The following PRKN variants were observed in gnomAD, a reference collection of about 807,000 sequenced individuals.
PRKN encodes the protein parkin RBR E3 ubiquitin protein ligase.
Under a neutral mutation model 59.5 loss-of-function variants are expected in PRKN, and 56 were observed. That is an observed-to-expected ratio of 0.94 (90% confidence interval 0.76 to 1.18). The LOEUF (loss-of-function observed/expected upper bound fraction) is 1.18. PRKN is among the 50% of genes most tolerant of loss of function. The pLI is 0.00. For missense variants in PRKN, 657 were observed against 596.4 expected (o/e 1.10, Z -1.06); for synonymous variants, 250 against 222.1 (o/e 1.13, Z -1.12).
chr6:161,967,078 C>T lies in PRKN; in HGVS notation c.734+6224G>A, dbSNP rs187294143. Among the ~76,000 whole-genome samples the T allele has an allele frequency of 4.8e-3, 733 of 152,344 alleles. 10 individuals carry two copies. Among genetic ancestry groups the T allele is most frequent in the African/African-American group, 0.017 (716 of 41,576 alleles). On this transcript the variant is annotated intron_variant, in intron 6 of 11. Coordinates refer to ENST00000366898, the MANE Select transcript of PRKN (RefSeq NM_004562.3). ...AACTCCTGACCTCGTGATCTGCCCACCTCAGCCTCCCAAGGTGCTGGGATT... is the reference window on the plus strand; with the variant it reads ...AACTCCTGACCTCGTGATCTGCCCATCTCAGCCTCCCAAGGTGCTGGGATT...
intron 3 of PRKN, among the ~76,000 whole-genome samples, chr6:162,219,433 C>T (rs1359787610): frequency 6.6e-6 from 1 of 152,162 alleles, no homozygotes; most frequent in Non-Finnish European, 1.5e-5. Flanking sequence ...CTATATTAAA[C>T]TGCATATTAC....
rs1420101862 is a variant in PRKN, at chr6:161,352,664, G to C, written c.1286-2453C>G. On this transcript the variant is annotated intron_variant, in intron 11 of 11. Coordinates refer to ENST00000366898, the MANE Select transcript of PRKN (RefSeq NM_004562.3). This position sits in a 1 kb window ranked among gnomAD's most constrained non-coding sequence, Gnocchi z 5.8. ...AAAGCAATTCTAAATGAAAGGGTAA[G>C]AAACTTTCCTATTGTGATATTTAAT... 6.7e-6 allele frequency among the ~76,000 whole-genome samples: 1 copy of C among 149,986 alleles called. No individual in the cohort carries two copies. Among genetic ancestry groups the C allele is most frequent in the East Asian group, 1.9e-4 (1 of 5,146 alleles).
In PRKN at chr6:162,579,724, A is replaced by T. The variant is rs141247383; in HGVS notation, c.8-136251T>A. Among the ~76,000 whole-genome samples, 419 of 150,908 alleles carry T rather than the reference A, an allele frequency of 2.8e-3. 2 individuals are homozygous for T. Among genetic ancestry groups the T allele is most frequent in the Non-Finnish European group, 4.6e-3 (311 of 67,100 alleles). On this transcript the variant is annotated intron_variant, in intron 1 of 11. Coordinates refer to ENST00000366898, the MANE Select transcript of PRKN (RefSeq NM_004562.3). ...ACACAAATTTCACACACACAAAATC[A>T]CACAGATTGAAACACACACATTCAC...
chr6:162,072,139 C>T (rs920539331), intron 4 of PRKN, among the ~76,000 whole-genome samples: 1 of 152,002 alleles, frequency 6.6e-6, no homozygotes, highest in African/African-American at 2.4e-5. Context: ...AGTGATTACA[C>T]AGGCTGGGCG....
At chr6:162,558,893 C>T (rs1429179211) in intron 1 of PRKN, among the ~76,000 whole-genome samples, 1 of 152,120 alleles carries the variant, frequency 6.6e-6, no homozygotes, top group East Asian at 1.9e-4. Context: ...CTGCCCACCT[C>T]AGCCTCCCGA....
chr6:161,490,222 C>T (rs1399122745), intron 9 of PRKN, among the ~76,000 whole-genome samples: 2 of 152,124 alleles, frequency 1.3e-5, no homozygotes, highest in Non-Finnish European at 2.9e-5. Context: ...GTGTGGAGAG[C>T]CATCTTTGGC....
chr6:161,420,799 T>A (rs1182961702), intron 9 of PRKN, among the ~76,000 whole-genome samples: 1 of 152,170 alleles, frequency 6.6e-6, no homozygotes, highest in Non-Finnish European at 1.5e-5. Context: ...AAAATTAAGA[T>A]CCTGATTTTA....
chr6:162,723,909 A>G (rs1295226115), intron 1 of PRKN, among the ~76,000 whole-genome samples: 1 of 152,200 alleles, frequency 6.6e-6, no homozygotes, highest in Admixed American at 6.5e-5. Flanking sequence ...AGAGATGCTA[A>G]GTGAAACAAG....
chr6:161,424,932 G>T (rs1194131759), intron 9 of PRKN, among the ~76,000 whole-genome samples: 1 of 152,158 alleles, frequency 6.6e-6, no homozygotes, highest in East Asian at 1.9e-4. Flanking sequence ...GCTCTGAAAA[G>T]TTGGACTGTA....
intron 9 of PRKN, among the ~76,000 whole-genome samples, chr6:161,512,119 T>C (rs916600926): frequency 3.3e-5 from 5 of 152,212 alleles, no homozygotes; most frequent in Admixed American, 6.5e-5. Flanking sequence ...ATCTATTCAA[T>C]GTAAGTCTGA....
At chr6:161,708,973 C>A (rs1786628684) in intron 7 of PRKN, among the ~76,000 whole-genome samples, 1 of 152,196 alleles carries the variant, frequency 6.6e-6, no homozygotes, top group African/African-American at 2.4e-5. Context: ...TACAGCATGA[C>A]AGCCACTAGC....
intron 7 of PRKN, among the ~76,000 whole-genome samples, chr6:161,694,915 C>T (rs1372447364): frequency 1.3e-5 from 2 of 152,134 alleles, no homozygotes; most frequent in African/African-American, 4.8e-5. Flanking sequence ...ACTGCGGGAT[C>T]AGAATCTCCT....
At chr6:161,532,102 T>G (rs1409972237) in intron 9 of PRKN, among the ~76,000 whole-genome samples, 1 of 151,342 alleles carries the variant, frequency 6.6e-6, no homozygotes, top group Admixed American at 6.6e-5. Context: ...TTAGTTCTAT[T>G]AAAAATCAAT....
chr6:162,385,832 C>G (rs1190156079), intron 2 of PRKN, among the ~76,000 whole-genome samples: 2 of 151,994 alleles, frequency 1.3e-5, no homozygotes, highest in East Asian at 3.9e-4. Flanking sequence ...CTTTTAAAAA[C>G]CAACTTGAAT....
chr6:162,682,710 G>A (rs1160541432), intron 1 of PRKN, among the ~76,000 whole-genome samples: 1 of 152,028 alleles, frequency 6.6e-6, no homozygotes, highest in East Asian at 1.9e-4. Context: ...AGGCAATCAT[G>A]AGTGCACCAA....
intron 7 of PRKN, chr6:161,783,692 C>T (rs763217943): frequency 2.0e-6 from 1 of 507,654 alleles, no homozygotes; most frequent in South Asian, 1.5e-5. Flanking sequence ...CTTACCAAAA[C>T]AAAATTGTCA....
chr6:162,467,802 C>A (rs1282828414), intron 1 of PRKN, among the ~76,000 whole-genome samples: 1 of 150,434 alleles, frequency 6.6e-6, no homozygotes, highest in Non-Finnish European at 1.5e-5. Context: ...CAGCCTCAAC[C>A]CCCTGTCACG....
intron 6 of PRKN, among the ~76,000 whole-genome samples, chr6:161,830,625 A>T (rs539010855): frequency 6.6e-6 from 1 of 152,168 alleles, no homozygotes; most frequent in South Asian, 2.1e-4. Context: ...TACATTTATT[A>T]GATTTTCCTT....
At chr6:161,815,953 A>C (rs888345722) in intron 6 of PRKN, among the ~76,000 whole-genome samples, 2 of 152,230 alleles carry the variant, frequency 1.3e-5, no homozygotes, top group Non-Finnish European at 2.9e-5. Context: ...ATTTCTTAAA[A>C]AGGTGAACAT....
Sources: gnomAD v4.1 joint callset for allele counts (sites outside exome capture counted in the v4.1 genomes callset) on GRCh38, gnomAD v4.1.1 for gene constraint, Gnocchi (gnomAD v3.1) non-coding constraint, MANE v1.5 for transcripts, NCBI Gene and HGNC (gene_info 2026-07-23, HGNC 2026-07-21) for gene names.